The following TK1 variants were observed in gnomAD, a reference collection of about 807,000 sequenced individuals.
TK1 encodes thymidine kinase 1.
A neutral mutation model predicts 22.4 loss-of-function variants in TK1; 13 were observed. The ratio of observed to expected loss-of-function variants is 0.58; its 90% CI spans 0.38 to 0.92. The LOEUF is 0.92. Among genes scored for constraint, TK1 ranks in the 40% least tolerant of loss-of-function variants. TK1 has a pLI of 0.00. For synonymous variants in TK1, 134 were observed against 125.4 expected, an observed-to-expected ratio of 1.07 and a Z score of -0.46; for missense variants, 251 against 315.7, an observed-to-expected ratio of 0.80 and a Z score of 1.55.
Position 78,175,567 on chromosome 17 carries a change from C to T in TK1, c.355G>A (p.Val119Ile), listed in dbSNP as rs151145693. ...GTCCCATCCAGTGCAGCCACAATTA[C>T]GGTCTTCCCGGCGTTGGCCATGGCC... Reference protein sequence around the residue: ...CEAMANAGKTVIVAALDGTFQ... With the variant: ...CEAMANAGKTIIVAALDGTFQ... Residue 119 changes from valine to isoleucine, a missense_variant, in exon 5 of 7, where the codon GTA (valine) becomes ATA (isoleucine). Physicochemically the swap from Val to Ile is conservative, Grantham distance 29 (BLOSUM62 3). Transcript: ENST00000301634. 19 of 1,613,840 alleles carry T rather than the reference C, an allele frequency of 1.2e-5. No individual in the cohort carries two copies. The highest frequency in any genetic ancestry group is 2.2e-5 in the South Asian group (2 of 91,086).
upstream of TK1, chr17:78,187,085 G>A (rs2075813835): frequency 7.2e-7 from 1 of 1,389,450 alleles, no homozygotes; most frequent in East Asian, 2.5e-5. Context: ...TTAAACCACG[G>A]CGTGCTGGCC....
chr17:78,178,545 T>C (rs932745730), intron 4 of TK1, among the ~76,000 whole-genome samples: 1 of 152,212 alleles, frequency 6.6e-6, no homozygotes, highest in African/African-American at 2.4e-5. Flanking sequence ...ACGTAGACAA[T>C]GAAGGAGCGA....
chr17:78,180,266 C>G (rs557901915), intron 4 of TK1, among the ~76,000 whole-genome samples: 1 of 152,316 alleles, frequency 6.6e-6, no homozygotes, highest in East Asian at 1.9e-4. Context: ...CGACCTAAGC[C>G]GCCTCGTGGG....
intron 4 of TK1, among the ~76,000 whole-genome samples, chr17:78,177,197 C>T (rs1412417686): frequency 3.3e-5 from 5 of 152,186 alleles, no homozygotes; most frequent in African/African-American, 1.2e-4. Flanking sequence ...CAGACCCTAA[C>T]TTTTCCTAGA....
At chr17:78,177,756 A>G (rs1567831433) in intron 4 of TK1, among the ~76,000 whole-genome samples, 1 of 151,526 alleles carries the variant, frequency 6.6e-6, no homozygotes, top group Admixed American at 6.6e-5. Context: ...TTGTATTTTC[A>G]GTAGAGACGG....
At chr17:78,182,807 G>A (rs886442607) in intron 3 of TK1, 125 bp from the exon 4 acceptor site, 11 of 602,896 alleles carry the variant, frequency 1.8e-5, no homozygotes, top group East Asian at 9.6e-5. Context: ...TCACCCAGCC[G>A]GGCTTTGAGA....
chr17:78,175,787 GC>G (rs950320128), intron 4 of TK1, among the ~76,000 whole-genome samples, 169 bp from the exon 5 acceptor site: 4 of 152,018 alleles, frequency 2.6e-5, no homozygotes, highest in Admixed American at 1.3e-4. Context: ...CCACCCGCAC[GC>G]CCCCCAGCAG....
rs1455764146 is a variant in TK1, at chr17:78,186,812, G to A, written c.73C>T (p.Leu25Phe). ...CTTTTTCCTGAGAACATCGGCCCGA[G>A]AATCACCTAGGAGAGAAGGTGAGGT... ...SKTRGQIQVI[L>F]GPMFSGKSTE... is the part of the protein sequence containing the mutation. Residue 25 changes from leucine to phenylalanine, a missense_variant, in exon 2 of 7, where the codon CTC becomes TTC. Coordinates refer to ENST00000301634, the MANE Select transcript of TK1 (RefSeq NM_003258.5). 1 of 1,584,468 alleles carries A rather than the reference G, an allele frequency of 6.3e-7. No individual in the cohort carries two copies. The highest frequency in any genetic ancestry group is 1.8e-5 in the Admixed American group (1 of 56,166).
chr17:78,174,317 T>G lies in TK1; in HGVS notation c.*442A>C. 1 of 160,234 alleles carries G rather than the reference T, an allele frequency of 6.2e-6. No individual in the cohort carries two copies. The allele number at this position is 160,234 out of a possible 1,614,324, so 9.9% of individuals were successfully genotyped here. ...AATCCAGGCCATCCTCAGGGGAGGG[T>G]GGGAGCCCATCCCAGGCAGAGAGGC... is the stretch of plus-strand genomic sequence containing the variant. On this transcript the variant is annotated 3_prime_UTR_variant, in exon 7 of 7. Coordinates refer to ENST00000301634, the MANE Select transcript of TK1 (RefSeq NM_003258.5).
chr17:78,180,562 A>G (rs1246161127), intron 4 of TK1, among the ~76,000 whole-genome samples: 4 of 152,256 alleles, frequency 2.6e-5, no homozygotes, highest in Admixed American at 2.6e-4. Context: ...AAAAATCTGG[A>G]AAAGTCTAAG....
intron 6 of TK1, 38 bp downstream of exon 6, chr17:78,175,012 C>T (rs2075687678): frequency 8.7e-6 from 14 of 1,610,710 alleles, no homozygotes; most frequent in Non-Finnish European, 1.1e-5. Flanking sequence ...AGCCATACCC[C>T]CACCCCGCCG....
chr17:78,179,808 G>A, intron 4 of TK1: 2 of 955,724 alleles, frequency 2.1e-6, no homozygotes, highest in South Asian at 4.9e-5. Context: ...GGTGGCTCAC[G>A]CCTGTAATCC....
chr17:78,185,233 A>G, intron 2 of TK1, 68 bp from the exon 3 acceptor site: 1 of 1,247,688 alleles, frequency 8.0e-7, no homozygotes, highest in South Asian at 1.2e-5. Flanking sequence ...CCCCTCCCCA[A>G]CAAGCCTGGC....
At chr17:78,175,016 C>A (rs769339359) in intron 6 of TK1, 34 bp downstream of exon 6, 17 of 1,611,014 alleles carry the variant, frequency 1.1e-5, no homozygotes, top group Non-Finnish European at 1.4e-5. Flanking sequence ...ATACCCCCAC[C>A]CCGCCGGCCT....
chr17:78,187,150 G>A, upstream of TK1: 5 of 973,108 alleles, frequency 5.1e-6, no homozygotes, highest in Non-Finnish European at 8.0e-6. Flanking sequence ...CCGCTGACCT[G>A]GCGGGAGATT....
At chr17:78,184,100 A>C (rs912250215) in intron 3 of TK1, among the ~76,000 whole-genome samples, 1 of 152,238 alleles carries the variant, frequency 6.6e-6, no homozygotes, top group Non-Finnish European at 1.5e-5. Context: ...TGGACATCGC[A>C]TCTTAGGAAT....
At chr17:78,179,188 G>C (rs2075721808) in intron 4 of TK1, 1 of 985,310 alleles carries the variant, frequency 1.0e-6, no homozygotes, top group Non-Finnish European at 1.2e-6. Flanking sequence ...CTGAAGGAGG[G>C]AGAGCCTTGC....
intron 3 of TK1, among the ~76,000 whole-genome samples, chr17:78,183,150 T>C (rs942079650): frequency 6.6e-6 from 1 of 152,152 alleles, no homozygotes; most frequent in African/African-American, 2.4e-5. Context: ...CAGTTATTTA[T>C]ACAAGCCACT....
chr17:78,175,515 A>C lies in TK1; in HGVS notation c.393+14T>G. 1 of 1,611,396 alleles carries C rather than the reference A, an allele frequency of 6.2e-7. No homozygotes were observed. The highest frequency in any genetic ancestry group is 8.5e-7 in the Non-Finnish European group (1 of 1,178,666). ...TCCTCAATCCCAGCTCCAGACCTGG[A>C]TCAGACGCCTTACCTTCCTCTGGAA... On this transcript the variant is annotated intron_variant, in intron 5 of 6. Coordinates refer to ENST00000301634, the MANE Select transcript of TK1 (RefSeq NM_003258.5).
Sources: gnomAD v4.1 joint callset for allele counts (sites outside exome capture counted in the v4.1 genomes callset) on GRCh38, gnomAD v4.1.1 for gene constraint, MANE v1.5 for transcripts, NCBI Gene and HGNC (gene_info 2026-07-23, HGNC 2026-07-21) for gene names.